Variants in MAPK8IP3 observed in about 807,000 individuals in gnomAD.
MAPK8IP3 encodes C-Jun-amino-terminal kinase-interacting protein 3.
In MAPK8IP3, 49 loss-of-function variants were observed where a neutral mutation model predicts 157.8. That is an observed-to-expected ratio of 0.31 (90% CI 0.25 to 0.39). MAPK8IP3 has a LOEUF of 0.39. Among genes scored for constraint, MAPK8IP3 ranks in the 10% least tolerant of loss-of-function variants. MAPK8IP3 has a pLI of 1.00. For missense variants in MAPK8IP3, 1,478 were observed against 1,889.4 expected, an observed-to-expected ratio of 0.78 and a Z score of 4.04; for synonymous variants, 897 against 777.7, an observed-to-expected ratio of 1.15 and a Z score of -2.55.
intron 1 of MAPK8IP3, among the ~76,000 whole-genome samples, chr16:1,712,048 G>GTTAT (rs2037815585): frequency 8.6e-6 from 1 of 115,858 alleles, no homozygotes; most frequent in African/African-American, 3.4e-5. Flanking sequence ...GGCCTCAGGA[G>GTTAT]TTCTTTTTTT....
intron 4 of MAPK8IP3, among the ~76,000 whole-genome samples, chr16:1,740,657 C>CGCTGCCGTGT (rs1454934409): frequency 1.3e-5 from 2 of 152,238 alleles, no homozygotes. Flanking sequence ...TCTGTGCTGT[C>CGCTGCCGTGT]GCTGCCGTGT....
intron 17 of MAPK8IP3, 92 bp downstream of exon 17, chr16:1,763,875 G>A: frequency 2.1e-6 from 1 of 473,084 alleles, no homozygotes; most frequent in Non-Finnish European, 3.5e-6. Flanking sequence ...AGAGGGCGGG[G>A]CAGTGCTAGG....
At chr16:1,762,790 T>C in intron 15 of MAPK8IP3, 46 bp from the exon 16 acceptor site, 1 of 1,597,118 alleles carries the variant, frequency 6.3e-7, no homozygotes, top group South Asian at 1.1e-5. Context: ...GGCAGGGAGG[T>C]TCCCTGGTCC....
At chr16:1,717,566 C>T (rs1485128890) in intron 1 of MAPK8IP3, among the ~76,000 whole-genome samples, 1 of 152,338 alleles carries the variant, frequency 6.6e-6, no homozygotes. Flanking sequence ...GATAGGTGGT[C>T]GTGTCAAATA....
chr16:1,748,211 C>A (rs764020653), intron 6 of MAPK8IP3, 33 bp from the exon 7 acceptor site: 8 of 1,554,332 alleles, frequency 5.1e-6, no homozygotes, highest in Non-Finnish European at 6.2e-6. Flanking sequence ...CAGACCCTCT[C>A]CTGACCCCAG....
intron 13 of MAPK8IP3, 73 bp from the exon 14 acceptor site, chr16:1,762,278 G>A (rs546428496): frequency 1.3e-6 from 2 of 1,489,974 alleles, no homozygotes; most frequent in Non-Finnish European, 1.8e-6. Flanking sequence ...TATACGTGTA[G>A]GCACCCCAGG....
intron 4 of MAPK8IP3, among the ~76,000 whole-genome samples, chr16:1,736,003 CGTCCATGTGAGAGTGTGACCGTCCAT>C (rs1339669295): frequency 5.2e-5 from 7 of 134,726 alleles, no homozygotes; most frequent in South Asian, 5.5e-4. Flanking sequence ...TCCGTGTGAC[CGTCCATGTGAGAGTGTGACCGTCCAT>C]GTGAGCATCC....
rs376451949 is a variant in MAPK8IP3, at chr16:1,743,488, G to T, written c.747+12G>T. 22 of 1,606,382 alleles carry T rather than the reference G, an allele frequency of 1.4e-5. No individual in the cohort carries two copies. The Admixed American group carries it at 3.7e-4, about 27-fold the overall frequency. On this transcript the variant is annotated intron_variant, in intron 5 of 31. Transcript: ENST00000610761. This position sits in a 1 kb window ranked among gnomAD's most constrained non-coding sequence, Gnocchi z 5.6. The stretch of plus-strand genomic sequence containing the variant: ...GCTCCAGCTACCAGGTTTTGTAGCC[G>T]TGCCGTGGAGTGAGAGGCTCCTCCC...
intron 8 of MAPK8IP3, chr16:1,748,962 T>C: frequency 1.5e-6 from 1 of 660,844 alleles, no homozygotes; most frequent in Non-Finnish European, 2.8e-6. Context: ...TCTGAAGTGG[T>C]GTAGTGTTTG....
intron 4 of MAPK8IP3, 91 bp downstream of exon 4, chr16:1,729,669 T>TA: frequency 2.5e-6 from 3 of 1,213,350 alleles, no homozygotes; most frequent in Non-Finnish European, 3.5e-6. Context: ...TAGTGCTTGT[T>TA]ATGGCCCGCG....
At chr16:1,764,264 G>A (rs1191884770) in intron 18 of MAPK8IP3, 37 bp from the exon 19 acceptor site, 1 of 1,593,822 alleles carries the variant, frequency 6.3e-7, no homozygotes, top group African/African-American at 1.3e-5. Context: ...AGGCTGGGGA[G>A]TGCCGGTGAC....
chr16:1,759,231 AC>A (rs2041795532), intron 10 of MAPK8IP3, among the ~76,000 whole-genome samples: 1 of 151,408 alleles, frequency 6.6e-6, no homozygotes, highest in South Asian at 2.1e-4. Flanking sequence ...GCCTCTCTGA[AC>A]CCCACAAGCG....
chr16:1,720,551 C>A (rs1189717253), intron 1 of MAPK8IP3, among the ~76,000 whole-genome samples: 1 of 152,140 alleles, frequency 6.6e-6, no homozygotes, highest in African/African-American at 2.4e-5. Context: ...GATCGTACAT[C>A]TGCTCTACAC....
chr16:1,738,425 C>A (rs1284834707), intron 4 of MAPK8IP3, among the ~76,000 whole-genome samples: 3 of 69,186 alleles, frequency 4.3e-5, no homozygotes, highest in African/African-American at 2.0e-4. Flanking sequence ...AGCGTGTGAC[C>A]GTGTGAGAGA....
At chr16:1,764,736 C>T (rs1181464202) in intron 19 of MAPK8IP3, among the ~76,000 whole-genome samples, 1 of 152,194 alleles carries the variant, frequency 6.6e-6, no homozygotes, top group Admixed American at 6.5e-5. Flanking sequence ...CCAGGAGCGG[C>T]AGAGCTTGCC....
chr16:1,738,104 A>G (rs866928509), intron 4 of MAPK8IP3, among the ~76,000 whole-genome samples: 52 of 38,116 alleles, frequency 1.4e-3, no homozygotes, highest in East Asian at 2.7e-3. Context: ...GTGAGCATCC[A>G]TGTGACCGTC....
In MAPK8IP3 at chr16:1,763,646, C is replaced by T. The variant is rs778143823; in HGVS notation, c.1899-11C>T. ...CTGGACAGAGACATCACCCATCATTCTTCCACTCAGCGACTGCACGTCCTC... is the reference window on the plus strand; with the variant it reads ...CTGGACAGAGACATCACCCATCATTTTTCCACTCAGCGACTGCACGTCCTC... On this transcript the variant is annotated splice_polypyrimidine_tract_variant and intron_variant, in intron 16 of 31. Coordinates refer to ENST00000610761, the MANE Select transcript of MAPK8IP3 (RefSeq NM_001318852.2). 7 of 1,551,930 alleles carry T rather than the reference C, an allele frequency of 4.5e-6. No individual in the cohort carries two copies. Among genetic ancestry groups the T allele is most frequent in the South Asian group, 3.6e-5 (3 of 84,344 alleles).
Position 1,764,406 on chromosome 16 carries a change from C to T in MAPK8IP3, c.2227C>T (p.Arg743Cys). 1 of 1,604,192 alleles carries T rather than the reference C, an allele frequency of 6.2e-7. No homozygotes were observed. Among genetic ancestry groups the T allele is most frequent in the Non-Finnish European group, 8.5e-7 (1 of 1,176,962 alleles). The change falls in exon 19 of 32, where the codon CGC becomes TGC. Residue 743 changes from arginine to cysteine, a missense_variant. Coordinates refer to ENST00000610761, the MANE Select transcript of MAPK8IP3 (RefSeq NM_001318852.2). ...APGRDPLTCDREGDGEPKSAH... is the reference protein window; with the variant it reads ...APGRDPLTCDCEGDGEPKSAH... ...AGGCCGCGATCCCCTGACCTGCGAC[C>T]GCGAAGGAGACGGCGAGCCCAAGAG...
At chr16:1,719,044 G>A (rs1030581817) in intron 1 of MAPK8IP3, among the ~76,000 whole-genome samples, 1 of 152,202 alleles carries the variant, frequency 6.6e-6, no homozygotes, top group African/African-American at 2.4e-5. Context: ...CTGTACTCCA[G>A]TCTGGATAAC....
Sources: gnomAD v4.1 joint callset for allele counts (sites outside exome capture counted in the v4.1 genomes callset) on GRCh38, gnomAD v4.1.1 for gene constraint, Gnocchi (gnomAD v3.1) non-coding constraint, MANE v1.5 for transcripts, NCBI Gene and HGNC (gene_info 2026-07-23, HGNC 2026-07-21) for gene names.